AKAP6: variants seen among roughly 807,000 people sequenced by gnomAD.
The protein encoded by AKAP6 is A-kinase anchor protein 6.
In AKAP6, 58 loss-of-function variants were observed where a neutral mutation model predicts 188.5. That is an observed-to-expected ratio of 0.31 (90% CI 0.25 to 0.38). AKAP6 has a LOEUF of 0.38. Ranked by LOEUF, AKAP6 falls within the 10% of genes least tolerant of loss-of-function variation. The pLI is 1.00. For synonymous variants in AKAP6, 989 were observed against 998.6 expected (o/e 0.99, Z 0.18); for missense variants, 2,710 against 2,740.0 (o/e 0.99, Z 0.24).
At chr14:32,628,709 C>T (rs1323659698) in intron 7 of AKAP6, among the ~76,000 whole-genome samples, 2 of 151,452 alleles carry the variant, frequency 1.3e-5, no homozygotes, top group African/African-American at 4.9e-5. Flanking sequence ...TTCCTTTTTT[C>T]CTTTCTCTGC....
At position 32,824,071 on chromosome 14, in the gene AKAP6, A is replaced by G. The variant is rs1450675738; in HGVS notation, c.6258A>G (p.Ser2086=). ...AAAACGAGGTGGCTGCTCCTACTTC[A>G]TTAACTCAAATCAAGGAGAAAGTGT... ...QPENEVAAPT[S]LTQIKEKVLE... is the part of the protein sequence containing the mutation. The change falls in exon 13 of 14, where the codon TCA becomes TCG. Residue 2086 remains serine, a synonymous_variant. Transcript: ENST00000280979. 5 of 1,613,930 alleles carry G rather than the reference A, an allele frequency of 3.1e-6. No homozygotes were observed. Among genetic ancestry groups the G allele is most frequent in the African/African-American group, 2.7e-5 (2 of 75,030 alleles).
intron 7 of AKAP6, among the ~76,000 whole-genome samples, chr14:32,640,743 C>T (rs1887720797): frequency 6.6e-6 from 1 of 152,060 alleles, no homozygotes; most frequent in Non-Finnish European, 1.5e-5. Context: ...CCAAAGAGAT[C>T]AAGGTTCTAA....
At chr14:32,678,496 A>G (rs753648539) in intron 8 of AKAP6, 37 bp downstream of exon 8, 7 of 1,607,200 alleles carry the variant, frequency 4.4e-6, no homozygotes, top group African/African-American at 2.7e-5. Flanking sequence ...TATTCTCACT[A>G]ATCTATTTTT....
At chr14:32,512,678 T>G (rs1400931535) in intron 2 of AKAP6, among the ~76,000 whole-genome samples, 1 of 152,172 alleles carries the variant, frequency 6.6e-6, no homozygotes, top group Non-Finnish European at 1.5e-5. Context: ...GTATTGGAAT[T>G]CGATAACTTT....
chr14:32,352,134 T>TGTGTGTGTGA (rs1566458785), intron 1 of AKAP6, among the ~76,000 whole-genome samples: 1 of 142,582 alleles, frequency 7.0e-6, no homozygotes, highest in African/African-American at 2.6e-5. Flanking sequence ...TGTGTGTGTG[T>TGTGTGTGTGA]GAAGGGGGTG....
intron 7 of AKAP6, among the ~76,000 whole-genome samples, chr14:32,652,826 G>A (rs768976218): frequency 1.2e-4 from 18 of 152,190 alleles, no homozygotes; most frequent in Non-Finnish European, 1.8e-4. Context: ...GCCAAGGTGG[G>A]AGGAATACTT....
At chr14:32,827,719 T>A (rs1455131316) in intron 13 of AKAP6, among the ~76,000 whole-genome samples, 1 of 152,242 alleles carries the variant, frequency 6.6e-6, no homozygotes. Context: ...ACATAATGTA[T>A]GTCTGGAGTG....
chr14:32,449,112 C>A (rs879469712), intron 2 of AKAP6, among the ~76,000 whole-genome samples: 1 of 152,080 alleles, frequency 6.6e-6, no homozygotes, highest in Non-Finnish European at 1.5e-5. Context: ...CTACAATGTC[C>A]GAATTTCCTT....
At chr14:32,738,154 G>A (rs144878049) in intron 11 of AKAP6, among the ~76,000 whole-genome samples, 14 of 152,160 alleles carry the variant, frequency 9.2e-5, no homozygotes, top group Admixed American at 2.6e-4. Context: ...ATTTAATGAG[G>A]CCAGCTGGCA....
Position 32,822,184 on chromosome 14 carries a change from A to G in AKAP6, c.4371A>G (p.Glu1457=), listed in dbSNP as rs1455690064. Residue 1457 remains glutamate, a synonymous_variant, in exon 13 of 14, where the codon GAA becomes GAG. Transcript: ENST00000280979. ...ATACCCCTGACTGTTTGGGAGAAGA[A>G]TTACAAGGAAAACATGATGTGTTTA... ...TKHTPDCLGE[E]LQGKHDVFTF... is the part of the protein sequence containing the mutation. The G allele has an allele frequency of 6.2e-7, 1 of 1,613,910 alleles. No individual in the cohort carries two copies. Among genetic ancestry groups the G allele is most frequent in the Admixed American group, 1.7e-5 (1 of 59,930 alleles).
intron 9 of AKAP6, among the ~76,000 whole-genome samples, chr14:32,720,057 T>G (rs1298814608): frequency 6.6e-6 from 1 of 152,206 alleles, no homozygotes; most frequent in Non-Finnish European, 1.5e-5. Context: ...TGAACAGGCC[T>G]ATAATTCAGC....
chr14:32,636,478 A>C (rs1887491509), intron 7 of AKAP6, among the ~76,000 whole-genome samples: 1 of 152,086 alleles, frequency 6.6e-6, no homozygotes, highest in African/African-American at 2.4e-5. Context: ...AGGTGCTGAG[A>C]GTGGCATTCG....
At chr14:32,656,970 A>C (rs538817245) in intron 7 of AKAP6, among the ~76,000 whole-genome samples, 13 of 152,314 alleles carry the variant, frequency 8.5e-5, no homozygotes, top group Admixed American at 2.0e-4. Flanking sequence ...GACATATGGC[A>C]ATCCAATATA....
At chr14:32,540,192 A>ATATATATATATATTTTTTTT (rs1406480125) in intron 3 of AKAP6, among the ~76,000 whole-genome samples, 1 of 123,432 alleles carries the variant, frequency 8.1e-6, no homozygotes, top group Non-Finnish European at 1.7e-5. Flanking sequence ...ATATATATAT[A>ATATATATATATATTTTTTTT]TTTTAATTTT....
intron 3 of AKAP6, among the ~76,000 whole-genome samples, chr14:32,541,381 G>A (rs1258746854): frequency 2.6e-5 from 4 of 151,570 alleles, no homozygotes; most frequent in Non-Finnish European, 5.9e-5. Context: ...CACTGATTGA[G>A]CATCAGTTAT....
intron 5 of AKAP6, among the ~76,000 whole-genome samples, chr14:32,590,431 A>G (rs1365483758): frequency 3.9e-5 from 6 of 152,104 alleles, no homozygotes; most frequent in Non-Finnish European, 7.4e-5. Flanking sequence ...GCTGGGCAAG[A>G]CTCTGTCTCA....
At chr14:32,751,304 A>G (rs1350466169) in intron 11 of AKAP6, among the ~76,000 whole-genome samples, 1 of 152,088 alleles carries the variant, frequency 6.6e-6, no homozygotes, top group Non-Finnish European at 1.5e-5. Context: ...TTTTACTTTT[A>G]CCTCACATAT....
At chr14:32,343,020 C>T (rs1288101591) in intron 1 of AKAP6, among the ~76,000 whole-genome samples, 1 of 152,170 alleles carries the variant, frequency 6.6e-6, no homozygotes, top group Non-Finnish European at 1.5e-5. Context: ...AAAACAGCAA[C>T]CTTTTTTCCC....
At chr14:32,598,710 G>A (rs550876399) in intron 5 of AKAP6, among the ~76,000 whole-genome samples, 2 of 152,166 alleles carry the variant, frequency 1.3e-5, no homozygotes, top group Non-Finnish European at 2.9e-5. Flanking sequence ...TCCACATAAA[G>A]CATTAGGGAA....
Sources: gnomAD v4.1 joint callset for allele counts (sites outside exome capture counted in the v4.1 genomes callset) on GRCh38, gnomAD v4.1.1 for gene constraint, MANE v1.5 for transcripts, NCBI Gene and HGNC (gene_info 2026-07-23, HGNC 2026-07-21) for gene names.